Variants in FGF14 observed in about 807,000 individuals in gnomAD.
FGF14 encodes the protein fibroblast growth factor 14.
Under a neutral mutation model 25.5 loss-of-function variants are expected in FGF14, and 5 were observed. That is an observed-to-expected ratio of 0.20 (90% confidence interval 0.10 to 0.41). The LOEUF (loss-of-function observed/expected upper bound fraction) is 0.41, where lower values mean the gene tolerates loss of function less well. FGF14 is among the 10% of genes least tolerant of loss of function. The pLI is 1.00. For synonymous variants in FGF14, 138 were observed against 118.3 expected, an observed-to-expected ratio of 1.17 and a Z score of -1.08; for missense variants, 222 against 320.1, an observed-to-expected ratio of 0.69 and a Z score of 2.34.
intron 1 of FGF14, among the ~76,000 whole-genome samples, chr13:102,165,409 C>T (rs1255851402): frequency 6.6e-6 from 1 of 151,934 alleles, no homozygotes; most frequent in African/African-American, 2.4e-5. Context: ...AGACGTGGAA[C>T]CAACCCAAAT....
chr13:102,145,559 A>T (rs2046821304), intron 1 of FGF14, among the ~76,000 whole-genome samples: 1 of 152,210 alleles, frequency 6.6e-6, no homozygotes, highest in Non-Finnish European at 1.5e-5. Context: ...ATGTTAAATC[A>T]TATAATCCAT....
chr13:101,851,802 G>T (rs560764281), intron 3 of FGF14, among the ~76,000 whole-genome samples: 4 of 152,084 alleles, frequency 2.6e-5, no homozygotes. Flanking sequence ...TAAAACCAAA[G>T]AAAACCAAGG....
chr13:101,956,227 T>C (rs894059046), intron 1 of FGF14, among the ~76,000 whole-genome samples: 1 of 152,146 alleles, frequency 6.6e-6, no homozygotes, highest in South Asian at 2.1e-4. Context: ...ATGTGATAAA[T>C]TGCACTGTTA....
chr13:101,883,153 G>T (rs1299864446), intron 1 of FGF14, among the ~76,000 whole-genome samples: 1 of 152,170 alleles, frequency 6.6e-6, no homozygotes, highest in African/African-American at 2.4e-5. Flanking sequence ...TGTAGCATTT[G>T]CTCTTGAATT....
At chr13:101,954,745 T>C (rs73567902) in intron 1 of FGF14, among the ~76,000 whole-genome samples, 2,221 of 152,212 alleles carry the variant, frequency 0.015, 58 homozygotes, top group African/African-American at 0.051. Context: ...TGTGTGCACA[T>C]GCACAGCCAT....
rs2034771172 is a variant in FGF14, at chr13:101,717,543, T to C, written c.*5288A>G. ...GCTGATGCACAGACATTGGAATTCA[T>C]TACATTATCTAGCCATCGTAATACA... On this transcript the variant is annotated 3_prime_UTR_variant, in exon 5 of 5. Coordinates refer to ENST00000376143, the MANE Select transcript of FGF14 (RefSeq NM_004115.4). 1 of 152,190 alleles carries C rather than the reference T, an allele frequency of 6.6e-6. No homozygotes were observed. The highest frequency in any genetic ancestry group is 2.4e-5 in the African/African-American group (1 of 41,456). The allele number at this position is 152,190 out of a possible 1,614,324, so 9.4% of individuals were successfully genotyped here. A position where few individuals can be genotyped will look rare whatever the true frequency, so the allele number is the denominator to read the frequency against.
At chr13:101,810,539 T>C (rs9513959) in intron 3 of FGF14, among the ~76,000 whole-genome samples, 106,721 of 151,750 alleles carry the variant, frequency 0.7, 37,915 homozygotes, top group East Asian at 0.82. Context: ...TTCTTAGAGA[T>C]CTCCTGCTTC....
chr13:102,342,231 A>T (rs2056973861), intron 1 of FGF14, among the ~76,000 whole-genome samples: 1 of 152,184 alleles, frequency 6.6e-6, no homozygotes, highest in African/African-American at 2.4e-5. Context: ...AATGGAAAGT[A>T]AGCGGTGGCA....
chr13:101,810,534 A>G (rs2041447176), intron 3 of FGF14, among the ~76,000 whole-genome samples: 1 of 152,140 alleles, frequency 6.6e-6, no homozygotes, highest in South Asian at 2.1e-4. Context: ...CATGCTTCTT[A>G]GAGATCTCCT....
At chr13:102,350,963 G>A (rs2057261039) in intron 1 of FGF14, among the ~76,000 whole-genome samples, 1 of 152,138 alleles carries the variant, frequency 6.6e-6, no homozygotes, top group Non-Finnish European at 1.5e-5. Context: ...TTATGGGGGT[G>A]GAGGTATCCA....
chr13:102,129,249 C>CA (rs201798157), intron 1 of FGF14, among the ~76,000 whole-genome samples: 2,024 of 149,912 alleles, frequency 0.014, 43 homozygotes, highest in African/African-American at 0.048. Context: ...GACTCCATCT[C>CA]AAAAAAAAGA....
intron 1 of FGF14, among the ~76,000 whole-genome samples, chr13:101,946,497 C>A (rs912211688): frequency 6.6e-6 from 1 of 152,116 alleles, no homozygotes; most frequent in Middle Eastern, 3.2e-3. Flanking sequence ...TGTAGTAACT[C>A]CAAAGGCAAT....
intron 1 of FGF14, among the ~76,000 whole-genome samples, chr13:101,901,681 G>A (rs2031572188): frequency 1.3e-5 from 2 of 152,016 alleles, no homozygotes; most frequent in Admixed American, 1.3e-4. Context: ...TCCAGCCTGG[G>A]GGACAGAGCA....
chr13:102,366,331 T>C (rs939354870), intron 1 of FGF14: 2 of 152,108 alleles, frequency 1.3e-5, no homozygotes, highest in Non-Finnish European at 2.9e-5. Flanking sequence ...GCACAGTATA[T>C]TATAACATGT....
rs114447359 is a variant in FGF14 at position 102,341,092 on chromosome 13, T to C, written c.208+60379A>G. On this transcript the variant is annotated intron_variant, in intron 1 of 4. Transcript: ENST00000376131. Reference sequence around the variant, plus strand: ...CTTTCACTGTACCTTCAGGGCAAAATTAACAAAAGTAAAAGGGGGGAAAAA... The same window carrying C: ...CTTTCACTGTACCTTCAGGGCAAAACTAACAAAAGTAAAAGGGGGGAAAAA... Among the ~76,000 whole-genome samples, 1,235 of 152,116 alleles carry C rather than the reference T, an allele frequency of 8.1e-3. 19 individuals are homozygous for C. The highest frequency in any genetic ancestry group is 0.028 in the African/African-American group (1,159 of 41,492).
chr13:102,270,120 T>G (rs544248950), intron 1 of FGF14, among the ~76,000 whole-genome samples: 4 of 152,136 alleles, frequency 2.6e-5, no homozygotes, highest in African/African-American at 7.2e-5. Context: ...TTAAGTAAAA[T>G]GATGTTATAA....
chr13:102,034,450 G>A (rs1371342476), intron 1 of FGF14, among the ~76,000 whole-genome samples: 1 of 152,120 alleles, frequency 6.6e-6, no homozygotes, highest in Admixed American at 6.6e-5. Flanking sequence ...ATCGGTCGCT[G>A]CCATCTAAAC....
At position 102,088,820 on chromosome 13, in the gene FGF14, G is replaced by A. The variant is rs567943515; in HGVS notation, c.209-213524C>T. Reference sequence around the variant, plus strand: ...GCAAATATTATAGAAAATGCTTGCCGTAGGTCAGATACAAAGATGAGTACA... The same window carrying A: ...GCAAATATTATAGAAAATGCTTGCCATAGGTCAGATACAAAGATGAGTACA... On this transcript the variant is annotated intron_variant, in intron 1 of 4. Transcript: ENST00000376131. Among the ~76,000 whole-genome samples the A allele has an allele frequency of 9.5e-4, 144 of 152,188 alleles. 1 individual carries two copies. Among genetic ancestry groups the A allele is most frequent in the African/African-American group, 3.3e-3 (135 of 41,538 alleles).
At chr13:102,372,174 T>C (rs1007114567) in intron 1 of FGF14, among the ~76,000 whole-genome samples, 7 of 152,212 alleles carry the variant, frequency 4.6e-5, no homozygotes, top group African/African-American at 1.4e-4. Flanking sequence ...CATTCAAAAA[T>C]AGTAATGTAT....
Sources: allele counts gnomAD v4.1 joint callset (sites outside exome capture counted in the v4.1 genomes callset), GRCh38; gene constraint gnomAD v4.1.1; transcripts MANE v1.5; gene names NCBI Gene and HGNC (gene_info 2026-07-23, HGNC 2026-07-21).